Variants in SLC37A1 observed in about 807,000 individuals in gnomAD.
The protein encoded by SLC37A1 is solute carrier family 37 member 1.
SLC37A1 carries 49 observed loss-of-function variants against 75.3 expected under a neutral mutation model. That is an observed-to-expected ratio of 0.65 (90% confidence interval 0.52 to 0.83). The LOEUF (loss-of-function observed/expected upper bound fraction) is 0.83, where lower values mean the gene tolerates loss of function less well. Among genes scored for constraint, SLC37A1 ranks in the 40% least tolerant of loss-of-function variants. SLC37A1 has a pLI of 0.00. For synonymous variants in SLC37A1, 268 were observed against 292.1 expected (o/e 0.92, Z 0.84); for missense variants, 566 against 695.0 (o/e 0.81, Z 2.09).
chr21:42,580,235 G>A, intron 19 of SLC37A1, 110 bp from the exon 20 acceptor site: 1 of 1,268,006 alleles, frequency 7.9e-7, no homozygotes, highest in South Asian at 1.3e-5. Flanking sequence ...TGCTGGGCCG[G>A]GAGGGCAGCT....
intron 9 of SLC37A1, among the ~76,000 whole-genome samples, chr21:42,549,215 A>G (rs1249982411): frequency 1.3e-5 from 2 of 152,142 alleles, no homozygotes; most frequent in African/African-American, 4.8e-5. Flanking sequence ...GTCCTCTAAG[A>G]AGAGCTTTTC....
intron 1 of SLC37A1, among the ~76,000 whole-genome samples, chr21:42,515,798 G>A (rs12483629): frequency 0.13 from 19,289 of 152,074 alleles, 1,456 homozygotes; most frequent in Non-Finnish European, 0.17. Context: ...TCGCTCTGTC[G>A]CCCAGGCTGG....
At chr21:42,574,076 C>T (rs1476477179) in intron 17 of SLC37A1, among the ~76,000 whole-genome samples, 3 of 152,198 alleles carry the variant, frequency 2.0e-5, no homozygotes, top group African/African-American at 7.2e-5. Flanking sequence ...CATAATTTTT[C>T]TGAACCACTT....
chr21:42,542,302 C>A, intron 6 of SLC37A1, 102 bp from the exon 7 acceptor site: 2 of 862,230 alleles, frequency 2.3e-6, no homozygotes. Context: ...GGCTGTCGTG[C>A]CCCCTGCTTT....
chr21:42,533,616 A>C (rs1000926878), intron 3 of SLC37A1, among the ~76,000 whole-genome samples: 1 of 150,436 alleles, frequency 6.6e-6, no homozygotes, highest in Admixed American at 6.6e-5. Context: ...CTGCCTCCCA[A>C]CAAGAAGCAC....
At chr21:42,570,546 C>T (rs922264122) in intron 17 of SLC37A1, among the ~76,000 whole-genome samples, 5 of 152,176 alleles carry the variant, frequency 3.3e-5, no homozygotes, top group African/African-American at 1.2e-4. Context: ...TTCTGGTTGA[C>T]GTTGTGACTG....
At chr21:42,509,416 A>C (rs2054414668), upstream of SLC37A1, 1 of 152,224 alleles carries the variant, frequency 6.6e-6, no homozygotes, top group Admixed American at 6.5e-5. This position sits in a 1 kb window ranked among gnomAD's most constrained non-coding sequence, Gnocchi z 4.2. Flanking sequence ...CTTTGGAGGA[A>C]ACAGAGCTTT....
intron 10 of SLC37A1, 73 bp from the exon 11 acceptor site, chr21:42,558,885 C>G (rs973868250): frequency 8.8e-6 from 14 of 1,598,364 alleles, no homozygotes; most frequent in South Asian, 1.1e-5. Context: ...CATTAGGAAG[C>G]CTGGCCCCAC....
chr21:42,573,570 T>C (rs543761025), intron 17 of SLC37A1, among the ~76,000 whole-genome samples: 1 of 151,884 alleles, frequency 6.6e-6, no homozygotes, highest in Non-Finnish European at 1.5e-5. Flanking sequence ...AGATAACACA[T>C]GAGTAGCCGA....
Position 42,547,347 on chromosome 21 carries a change from G to A in SLC37A1, c.768+207G>A. On this transcript the variant is annotated intron_variant, in intron 9 of 19. Coordinates refer to ENST00000352133, the MANE Select transcript of SLC37A1 (RefSeq NM_001320537.2). This position sits in a 1 kb window ranked among gnomAD's most constrained non-coding sequence, Gnocchi z 6.1. The stretch of plus-strand genomic sequence containing the variant: ...CTTATCAGCAAAACCCAGACAAGAG[G>A]TTCAATGCTGTCCAGATGAAGGACT... 1.7e-6 allele frequency: 1 copy of A among 574,104 alleles called. No homozygotes were observed. Among genetic ancestry groups the A allele is most frequent in the Non-Finnish European group, 3.1e-6 (1 of 321,796 alleles). 35.6% of individuals were successfully genotyped at this position (574,104 alleles called of 1,614,324 possible).
In SLC37A1 at chr21:42,542,998, C is replaced by T. The variant is rs557690497; in HGVS notation, c.564-438C>T. Among the ~76,000 whole-genome samples the T allele has an allele frequency of 1.6e-3, 248 of 152,328 alleles. 3 individuals are homozygous for T. The highest frequency in any genetic ancestry group is 5.9e-3 in the African/African-American group (245 of 41,570). ...ATGGTGGACGATCGCAAACAAGATG[C>T]GGAAGCTAAAACGGGAACACCAGCG... On this transcript the variant is annotated intron_variant, in intron 7 of 19. Transcript: ENST00000352133.
intron 6 of SLC37A1, 88 bp from the exon 7 acceptor site, chr21:42,542,316 T>G (rs771005454): frequency 3.5e-6 from 4 of 1,150,498 alleles, no homozygotes; most frequent in Non-Finnish European, 3.8e-6. Flanking sequence ...CTGCTTTGTG[T>G]AAGTGGAGCA....
intron 17 of SLC37A1, among the ~76,000 whole-genome samples, chr21:42,573,486 C>T (rs1287416100): frequency 1.3e-5 from 2 of 152,104 alleles, no homozygotes; most frequent in Non-Finnish European, 2.9e-5. Flanking sequence ...TCCAAAACTA[C>T]GTGCCCTTCG....
chr21:42,569,005 G>A (rs2056054685), intron 17 of SLC37A1, among the ~76,000 whole-genome samples: 1 of 152,230 alleles, frequency 6.6e-6, no homozygotes, highest in Admixed American at 6.5e-5. Flanking sequence ...AGCACGCACA[G>A]TGGCTGCACC....
chr21:42,524,121 G>A (rs875060), intron 2 of SLC37A1, among the ~76,000 whole-genome samples: 70,884 of 151,810 alleles, frequency 0.47, 16,847 homozygotes, highest in Admixed American at 0.62. Context: ...GTAGGACGCC[G>A]CCTTAGGTAA....
chr21:42,512,370 G>A (rs1272622531), upstream of SLC37A1, among the ~76,000 whole-genome samples: 1 of 152,186 alleles, frequency 6.6e-6, no homozygotes, highest in Non-Finnish European at 1.5e-5. Flanking sequence ...GACAAGATCA[G>A]ATTTTGCTTT....
At chr21:42,575,078 G>C (rs1028284170) in intron 18 of SLC37A1, 163 bp downstream of exon 18, 1 of 981,858 alleles carries the variant, frequency 1.0e-6, no homozygotes, top group Non-Finnish European at 1.2e-6. Context: ...TTCTCTCTCT[G>C]ATTAGAAAAA....
At chr21:42,551,533 C>T (rs180945231) in intron 9 of SLC37A1, among the ~76,000 whole-genome samples, 3 of 152,250 alleles carry the variant, frequency 2.0e-5, no homozygotes, top group African/African-American at 4.8e-5. Flanking sequence ...GTGATGGTTG[C>T]AAAACTGAAT....
chr21:42,515,617 G>A (rs1007366151), intron 1 of SLC37A1, among the ~76,000 whole-genome samples: 1 of 152,096 alleles, frequency 6.6e-6, no homozygotes, highest in Non-Finnish European at 1.5e-5. Context: ...AGTTGCCTAG[G>A]GTGGGTTTTT....
Sources: gnomAD v4.1 joint callset for allele counts (sites outside exome capture counted in the v4.1 genomes callset) on GRCh38, gnomAD v4.1.1 for gene constraint, Gnocchi (gnomAD v3.1) non-coding constraint, MANE v1.5 for transcripts, NCBI Gene and HGNC (gene_info 2026-07-23, HGNC 2026-07-21) for gene names.